Variants in STAB2 observed in about 807,000 individuals in gnomAD.
The protein encoded by STAB2 is stabilin-2.
In STAB2, 288 loss-of-function variants were observed where a neutral mutation model predicts 338.1. The observed-to-expected ratio is 0.85, with a 90% CI of 0.77 to 0.94. The LOEUF (loss-of-function observed/expected upper bound fraction) is 0.94. Among genes scored for constraint, STAB2 ranks in the 40% least tolerant of loss-of-function variants. The pLI, the probability that STAB2 is intolerant of heterozygous loss-of-function variation, is 0.00. For missense variants in STAB2, 3,141 were observed against 3,210.1 expected (o/e 0.98, Z 0.52); for synonymous variants, 1,202 against 1,193.3 (o/e 1.01, Z -0.15).
At chr12:103,634,634 G>A (rs760659900) in intron 6 of STAB2, among the ~76,000 whole-genome samples, 2 of 152,208 alleles carry the variant, frequency 1.3e-5, no homozygotes, top group Non-Finnish European at 2.9e-5. Context: ...TTCTTTTGAT[G>A]TCGGGATACC....
chr12:103,739,909 C>G (rs1158912823), intron 54 of STAB2, among the ~76,000 whole-genome samples: 5 of 152,018 alleles, frequency 3.3e-5, no homozygotes, highest in African/African-American at 4.8e-5. Flanking sequence ...AGCAATCAGC[C>G]CAAGGCTACA....
At chr12:103,670,869 AGG>A in intron 22 of STAB2, 62 bp downstream of exon 22, 1 of 1,411,894 alleles carries the variant, frequency 7.1e-7, no homozygotes, top group Non-Finnish European at 9.9e-7. Context: ...GTGCTGCAGC[AGG>A]GTGCTGGTGC....
chr12:103,594,586 C>A (rs749303084), intron 3 of STAB2, 76 bp downstream of exon 3: 3 of 1,152,920 alleles, frequency 2.6e-6, no homozygotes, highest in Non-Finnish European at 2.6e-6. Context: ...ATGAAGGAAG[C>A]CCAATAAAAA....
At position 103,725,603 on chromosome 12, in the gene STAB2, CGT is replaced by C. The variant is rs202034193; in HGVS notation, c.4804-505_4804-504del. ...GTACACGTGTGTGTGCATGTGTGTA[CGT>C]GTGTGTGCTTGTGTGTGCATGCAGG... On this transcript the variant is annotated intron_variant, in intron 45 of 68. Transcript: ENST00000388887. 9.3e-5 allele frequency among the ~76,000 whole-genome samples: 14 copies of C among 150,364 alleles called. No individual in the cohort carries two copies. In the East Asian group the frequency reaches 2.2e-3, roughly 23 times the overall value.
Position 103,652,706 on chromosome 12 carries a change from G to A in STAB2, c.1407+1G>A, listed in dbSNP as rs1565985921. On this transcript the variant is annotated splice_donor_variant, in intron 12 of 68. Transcript: ENST00000388887. LOFTEE classifies it high-confidence loss of function. ...GGGGGAAATCTTCAACAGCGATAAG[G>A]TAAGGGTTCCTCTGATTTTCACTCC... 1.9e-6 allele frequency: 3 copies of A among 1,579,822 alleles called. No individual in the cohort carries two copies. Among genetic ancestry groups the A allele is most frequent in the Non-Finnish European group, 2.6e-6 (3 of 1,164,528 alleles).
intron 39 of STAB2, among the ~76,000 whole-genome samples, chr12:103,710,570 G>T (rs1431432673): frequency 6.6e-6 from 1 of 152,166 alleles, no homozygotes; most frequent in Non-Finnish European, 1.5e-5. Flanking sequence ...ATTGAAGTTG[G>T]CTCAAAGGTT....
In STAB2 at chr12:103,662,244, T is replaced by C. The variant is rs146108427; in HGVS notation, c.1870-602T>C. On this transcript the variant is annotated intron_variant, in intron 17 of 68. Coordinates refer to ENST00000388887, the MANE Select transcript of STAB2 (RefSeq NM_017564.10). ...AGATACAGCAGAATTTGCTGATGAG[T>C]TAAATGGGGGTGAAGACAGAGGAAG... Among the ~76,000 whole-genome samples, 109 of 152,070 alleles carry C rather than the reference T, an allele frequency of 7.2e-4. 3 individuals are homozygous for C. In the East Asian group the frequency reaches 0.02, roughly 28 times the overall value.
rs1370360294 is a variant in STAB2 at position 103,669,538 on chromosome 12, C to T, written c.2173-3C>T. 1 of 1,613,994 alleles carries T rather than the reference C, an allele frequency of 6.2e-7. No homozygotes were observed. The highest frequency in any genetic ancestry group is 8.5e-7 in the Non-Finnish European group (1 of 1,179,884). On this transcript the variant is annotated splice_region_variant and splice_polypyrimidine_tract_variant and intron_variant, in intron 20 of 68. Transcript: ENST00000388887. The stretch of plus-strand genomic sequence containing the variant: ...AAAGGGGAACACGCATTTTGTTTTT[C>T]AGATTCCAAAGTGCTGCAAAGGCTT...
chr12:103,592,103 C>A (rs867739007), intron 2 of STAB2: 5 of 152,110 alleles, frequency 3.3e-5, no homozygotes, highest in Non-Finnish European at 7.3e-5. Flanking sequence ...AATTAGCAAG[C>A]AGTGGGTATC....
intron 68 of STAB2, among the ~76,000 whole-genome samples, chr12:103,765,755 T>C (rs1884903726): frequency 6.6e-6 from 1 of 152,188 alleles, no homozygotes; most frequent in Non-Finnish European, 1.5e-5. Flanking sequence ...TTGCTCAGGC[T>C]GATCTCGAAC....
At chr12:103,592,993 G>T (rs1330139677) in intron 2 of STAB2, among the ~76,000 whole-genome samples, 1 of 152,146 alleles carries the variant, frequency 6.6e-6, no homozygotes, top group African/African-American at 2.4e-5. Flanking sequence ...CAAGTTACAA[G>T]ATTTCCTTCT....
At chr12:103,695,972 C>T (rs1878370105) in intron 33 of STAB2, 128 bp downstream of exon 33, 2 of 867,496 alleles carry the variant, frequency 2.3e-6, no homozygotes, top group East Asian at 5.3e-5. Context: ...TTGACGTAGA[C>T]TGGTGCAGAG....
At chr12:103,593,595 A>G (rs1956831905) in intron 2 of STAB2, among the ~76,000 whole-genome samples, 1 of 152,162 alleles carries the variant, frequency 6.6e-6, no homozygotes, top group African/African-American at 2.4e-5. Context: ...CCCCAACTTG[A>G]CTGTTCGTAA....
intron 5 of STAB2, among the ~76,000 whole-genome samples, chr12:103,629,211 C>T (rs949406990): frequency 9.2e-5 from 14 of 152,164 alleles, no homozygotes; most frequent in African/African-American, 1.4e-4. Context: ...TGAGCATAAA[C>T]GATGTCACAG....
intron 60 of STAB2, among the ~76,000 whole-genome samples, chr12:103,752,791 C>T (rs1053749852): frequency 6.6e-5 from 10 of 152,090 alleles, no homozygotes; most frequent in African/African-American, 2.4e-4. Context: ...ATGAAAACTA[C>T]ATCGGCAGTA....
At chr12:103,705,552 CA>C (rs1430198476) in intron 36 of STAB2, 79 bp from the exon 37 acceptor site, 1 of 1,140,588 alleles carries the variant, frequency 8.8e-7, no homozygotes, top group Non-Finnish European at 1.3e-6. Flanking sequence ...GACAGCAATG[CA>C]TCACCCACCT....
At chr12:103,710,486 C>T (rs1464429488) in intron 39 of STAB2, among the ~76,000 whole-genome samples, 2 of 152,214 alleles carry the variant, frequency 1.3e-5, no homozygotes, top group East Asian at 3.8e-4. Context: ...AATCATGACA[C>T]TCCCTCCCTC....
intron 39 of STAB2, chr12:103,711,162 A>T (rs937640825): frequency 3.0e-5 from 11 of 370,800 alleles, no homozygotes; most frequent in Non-Finnish European, 4.8e-5. Context: ...GTACACATCA[A>T]CACCCAGACC....
Position 103,619,754 on chromosome 12 carries a change from CCG to C in STAB2, c.332-712_332-711del, listed in dbSNP as rs1491059279. ...CATTTTACCTCATCAGCAACGCCCC[CCG>C]CCCCCGCCACCCCACAACTCTCACA... On this transcript the variant is annotated intron_variant, in intron 3 of 68. Coordinates refer to ENST00000388887, the MANE Select transcript of STAB2 (RefSeq NM_017564.10). 1.2e-3 allele frequency among the ~76,000 whole-genome samples: 175 copies of C among 148,482 alleles called. 9 individuals are homozygous for C. The highest frequency in any genetic ancestry group is 2.9e-3 in the African/African-American group (115 of 40,138).
Sources: gnomAD v4.1 joint callset for allele counts (sites outside exome capture counted in the v4.1 genomes callset) on GRCh38, gnomAD v4.1.1 for gene constraint, MANE v1.5 for transcripts, NCBI Gene and HGNC (gene_info 2026-07-23, HGNC 2026-07-21) for gene names.